Variants in UTS2B observed in about 807,000 individuals in gnomAD.
The protein encoded by UTS2B is urotensin 2B, also known as urotensin-2B.
UTS2B carries 21 observed loss-of-function variants against 19.2 expected under a neutral mutation model. The observed-to-expected ratio is 1.09, with a 90% CI of 0.78 to 1.58. The LOEUF is 1.58. Among genes scored for constraint, UTS2B ranks in the 40% most tolerant of loss-of-function variants. The pLI is 0.00. For synonymous variants in UTS2B, 57 were observed against 50.2 expected (o/e 1.14, Z -0.58); for missense variants, 138 against 130.3 (o/e 1.06, Z -0.29).
intron 4 of UTS2B, among the ~76,000 whole-genome samples, chr3:191,283,848 A>C (rs1271665980): frequency 2.6e-5 from 4 of 152,222 alleles, no homozygotes; most frequent in Non-Finnish European, 5.9e-5. Context: ...AGCATTTCAA[A>C]ACCTCTGTCA....
intron 2 of UTS2B, among the ~76,000 whole-genome samples, chr3:191,318,796 T>G (rs1717534027): frequency 1.3e-5 from 2 of 152,214 alleles, no homozygotes; most frequent in Admixed American, 6.5e-5. Context: ...AAGATTTCCC[T>G]CCATACATAG....
rs961185692 is a variant in UTS2B, at chr3:191,295,741, T to G, written c.-125+8751A>C. ...GTATTCACTGTCTTAGAAAATGGCATGACCATTTACCCAGTAATTCATTGA... is the reference window on the plus strand; with the variant it reads ...GTATTCACTGTCTTAGAAAATGGCAGGACCATTTACCCAGTAATTCATTGA... On this transcript the variant is annotated intron_variant, in intron 4 of 8. Transcript: ENST00000340524. Among the ~76,000 whole-genome samples, 47 of 151,994 alleles carry G rather than the reference T, an allele frequency of 3.1e-4. 1 individual carries two copies. The highest frequency in any genetic ancestry group is 1.1e-3 in the African/African-American group (45 of 41,220).
chr3:191,310,902 T>C (rs1717284578), intron 3 of UTS2B, among the ~76,000 whole-genome samples: 1 of 151,924 alleles, frequency 6.6e-6, no homozygotes. Context: ...TCGAAATATA[T>C]TATTTATTTG....
chr3:191,305,844 G>A (rs1055751783), intron 3 of UTS2B, among the ~76,000 whole-genome samples: 12 of 152,076 alleles, frequency 7.9e-5, no homozygotes, highest in South Asian at 2.1e-4. Flanking sequence ...TTTTGTGTAC[G>A]CAGTAAGGAA....
chr3:191,315,013 A>ATTTTT (rs796258238), intron 3 of UTS2B, among the ~76,000 whole-genome samples: 8 of 143,550 alleles, frequency 5.6e-5, no homozygotes, highest in South Asian at 2.2e-4. Context: ...CCACCCTAGA[A>ATTTTT]TTTTTTTTTT....
At chr3:191,269,591 G>C (rs752472133) in intron 8 of UTS2B, among the ~76,000 whole-genome samples, 1 of 151,640 alleles carries the variant, frequency 6.6e-6, no homozygotes, top group African/African-American at 2.4e-5. Flanking sequence ...TGATCATAGA[G>C]TGCTACAGCT....
At chr3:191,308,767 A>C (rs1427243949) in intron 3 of UTS2B, among the ~76,000 whole-genome samples, 1 of 152,176 alleles carries the variant, frequency 6.6e-6, no homozygotes, top group Non-Finnish European at 1.5e-5. Flanking sequence ...ATTATCCCTG[A>C]AGCTTTATGG....
chr3:191,289,426 A>T (rs995401617), intron 4 of UTS2B, among the ~76,000 whole-genome samples: 88 of 143,960 alleles, frequency 6.1e-4, no homozygotes, highest in Admixed American at 3.1e-3. Context: ...AAATAAATAA[A>T]TAAATAAATA....
intron 3 of UTS2B, among the ~76,000 whole-genome samples, chr3:191,308,251 T>G (rs55723566): frequency 0.07 from 10,703 of 152,242 alleles, 1,254 homozygotes; most frequent in African/African-American, 0.24. Context: ...CTGGTAGGGC[T>G]AGGAATAAAG....
chr3:191,302,039 C>T (rs1717018241), intron 4 of UTS2B, among the ~76,000 whole-genome samples: 1 of 152,072 alleles, frequency 6.6e-6, no homozygotes, highest in African/African-American at 2.4e-5. Context: ...TTCTTAGTCA[C>T]AGGATGAGAT....
upstream of UTS2B, among the ~76,000 whole-genome samples, chr3:191,334,567 A>G (rs1371949091): frequency 2.0e-5 from 3 of 152,146 alleles, no homozygotes; most frequent in South Asian, 2.1e-4. Context: ...GTATTAAACC[A>G]CTGAGGCTAA....
At chr3:191,294,246 A>T (rs920847703) in intron 4 of UTS2B, among the ~76,000 whole-genome samples, 4 of 152,032 alleles carry the variant, frequency 2.6e-5, no homozygotes, top group Admixed American at 2.6e-4. Context: ...AACATTATTT[A>T]GAATCATTAC....
intron 6 of UTS2B, 43 bp downstream of exon 6, chr3:191,278,026 ATTG>A (rs1716283872): frequency 1.0e-6 from 1 of 1,004,840 alleles, no homozygotes; most frequent in Non-Finnish European, 1.4e-6. Flanking sequence ...GACAAAATAA[ATTG>A]TTATTTTTTA....
chr3:191,306,902 G>A (rs1048257850), intron 3 of UTS2B, among the ~76,000 whole-genome samples: 9 of 152,176 alleles, frequency 5.9e-5, no homozygotes, highest in African/African-American at 2.2e-4. Flanking sequence ...AAAGTGCTGG[G>A]ATTATAGGCG....
intron 3 of UTS2B, among the ~76,000 whole-genome samples, chr3:191,314,636 G>T (rs900939682): frequency 6.6e-6 from 1 of 152,144 alleles, no homozygotes; most frequent in African/African-American, 2.4e-5. Flanking sequence ...CAAGTGCAAG[G>T]GTGGGGCTGG....
chr3:191,287,101 T>C (rs1354381026), intron 4 of UTS2B, among the ~76,000 whole-genome samples: 3 of 152,126 alleles, frequency 2.0e-5, no homozygotes, highest in African/African-American at 7.2e-5. Context: ...GTAAAGAGAT[T>C]GGATTGGTAA....
the UTS2B span, among the ~76,000 whole-genome samples, chr3:191,336,825 G>A: frequency 6.6e-6 from 1 of 152,150 alleles, no homozygotes; most frequent in African/African-American, 2.4e-5. Flanking sequence ...TTTTTGCAGT[G>A]ACAGCTCATT....
intron 4 of UTS2B, among the ~76,000 whole-genome samples, chr3:191,289,455 A>T (rs548433936): frequency 1.0e-3 from 32 of 31,642 alleles, no homozygotes; most frequent in South Asian, 1.8e-3. Context: ...AATAAAAAAC[A>T]AACGAAATTA....
intron 2 of UTS2B, among the ~76,000 whole-genome samples, chr3:191,323,983 TC>T (rs1717676103): frequency 6.6e-6 from 1 of 152,148 alleles, no homozygotes; most frequent in Non-Finnish European, 1.5e-5. Flanking sequence ...TGTTGTGCCT[TC>T]CAAAACTCAC....
Sources: gnomAD v4.1 joint callset for allele counts (sites outside exome capture counted in the v4.1 genomes callset) on GRCh38, gnomAD v4.1.1 for gene constraint, MANE v1.5 for transcripts, NCBI Gene and HGNC (gene_info 2026-07-23, HGNC 2026-07-21) for gene names.